The following CDHR2 variants were observed in gnomAD, a reference collection of about 807,000 sequenced individuals.
CDHR2 encodes the protein cadherin-related family member 2.
CDHR2 carries 104 observed loss-of-function variants against 138.6 expected under a neutral mutation model. That is an observed-to-expected ratio of 0.75 (90% CI 0.64 to 0.88). CDHR2 has a LOEUF of 0.88. CDHR2 is among the 40% of genes least tolerant of loss of function. CDHR2 has a pLI of 0.00. For synonymous variants in CDHR2, 755 were observed against 742.8 expected (o/e 1.02, Z -0.27); for missense variants, 1,624 against 1,727.6 (o/e 0.94, Z 1.06).
chr5:176,569,713 C>T (rs1758177937), intron 5 of CDHR2, among the ~76,000 whole-genome samples: 1 of 152,162 alleles, frequency 6.6e-6, no homozygotes. Flanking sequence ...TTATTTCCCA[C>T]TTTGGGAGGC....
intron 6 of CDHR2, among the ~76,000 whole-genome samples, chr5:176,572,755 A>C (rs1202886306): frequency 6.6e-6 from 1 of 152,226 alleles, no homozygotes; most frequent in Non-Finnish European, 1.5e-5. Flanking sequence ...ATGCCAGGCC[A>C]GACACGTGTG....
rs937694105 is a variant in CDHR2 at position 176,589,252 on chromosome 5, C to T, written c.3008+70C>T. The T allele has an allele frequency of 5.0e-6, 8 of 1,599,598 alleles. No individual in the cohort carries two copies. The African/African-American group carries it at 1.1e-4, about 21-fold the overall frequency. On this transcript the variant is annotated intron_variant, in intron 22 of 31. Coordinates refer to ENST00000261944, the MANE Select transcript of CDHR2 (RefSeq NM_017675.6). ...GATAGGAGCTTTCAGGCAGCAAGTC[C>T]CCCATCCTGGAGGTTACAAGGGTCC...
intron 16 of CDHR2, 56 bp downstream of exon 16, chr5:176,578,664 C>T: frequency 6.3e-7 from 1 of 1,593,574 alleles, no homozygotes; most frequent in Non-Finnish European, 8.5e-7. Flanking sequence ...CAAGCCTGCT[C>T]TGTGGGCATG....
At chr5:176,592,431 GTGGTGA>G (rs1448914582) in intron 30 of CDHR2, among the ~76,000 whole-genome samples, 1 of 69,778 alleles carries the variant, frequency 1.4e-5, no homozygotes, top group Non-Finnish European at 4.5e-5. Flanking sequence ...GATGGTGATG[GTGGTGA>G]TGATGGATGA....
upstream of CDHR2, among the ~76,000 whole-genome samples, chr5:176,548,776 C>T (rs564229547): frequency 1.1e-4 from 16 of 152,012 alleles, no homozygotes; most frequent in African/African-American, 3.9e-4. Context: ...AAAAAGGCAA[C>T]TTGGGAGTGG....
At chr5:176,551,746 A>G (rs1757709291) in intron 1 of CDHR2, among the ~76,000 whole-genome samples, 1 of 135,648 alleles carries the variant, frequency 7.4e-6, no homozygotes, top group Non-Finnish European at 1.5e-5. Flanking sequence ...CTGTCACCCA[A>G]GCTGGAGTGC....
chr5:176,550,797 C>G (rs934963469), intron 1 of CDHR2, among the ~76,000 whole-genome samples: 3 of 152,130 alleles, frequency 2.0e-5, no homozygotes, highest in African/African-American at 7.2e-5. Flanking sequence ...CCTGGGCAGT[C>G]CGGGTATCCT....
rs777492193 is a variant in CDHR2 at position 176,578,393 on chromosome 5, T to TCAGGGA, written c.1605_1610dup (p.Gly536_Thr537dup). On this transcript the variant is annotated inframe_insertion, in exon 16 of 32. Transcript: ENST00000261944. ...AGACCTCTTCCAAGTGGATCCCGTC[T>TCAGGGA]CAGGGACGGTGACGGTGAGGAACGG... 6.2e-6 allele frequency: 10 copies of TCAGGGA among 1,613,790 alleles called. No individual in the cohort carries two copies. The highest frequency in any genetic ancestry group is 3.3e-5 in the Admixed American group (2 of 59,968).
At chr5:176,569,106 A>C (rs1186526121) in intron 5 of CDHR2, 96 bp downstream of exon 5, 1 of 1,093,628 alleles carries the variant, frequency 9.1e-7, no homozygotes, top group African/African-American at 1.6e-5. Context: ...CCCAGTTAAC[A>C]GTGAATTTAA....
At chr5:176,577,869 T>A in intron 14 of CDHR2, 71 bp downstream of exon 14, 4 of 1,544,436 alleles carry the variant, frequency 2.6e-6, no homozygotes, top group Admixed American at 1.8e-5. Context: ...TGTGAGAGTG[T>A]GTGTGTGTGT....
In CDHR2 at chr5:176,568,623, G is replaced by T; in HGVS notation, c.125-55G>T. The T allele has an allele frequency of 1.9e-6, 3 of 1,598,292 alleles. No homozygotes were observed. In the Admixed American group the frequency reaches 5.1e-5, roughly 27 times the overall value. On this transcript the variant is annotated intron_variant, in intron 3 of 31. Coordinates refer to ENST00000261944, the MANE Select transcript of CDHR2 (RefSeq NM_017675.6). ...CCCAGCCTCACAGCCAGCTTGGCCA[G>T]ACCAGCACTGAAAGGGTGGCTGTGG...
At chr5:176,571,553 T>A (rs1758231888) in intron 6 of CDHR2, among the ~76,000 whole-genome samples, 1 of 151,822 alleles carries the variant, frequency 6.6e-6, no homozygotes, top group Admixed American at 6.6e-5. Flanking sequence ...ATTTTTTTTG[T>A]GTAGACGGAG....
rs529597483 is a variant in CDHR2, at chr5:176,590,612, T to C, written c.3464T>C (p.Val1155Ala). 1 of 1,614,068 alleles carries C rather than the reference T, an allele frequency of 6.2e-7. No individual in the cohort carries two copies. The highest frequency in any genetic ancestry group is 1.1e-5 in the South Asian group (1 of 91,078). ...ESDLSKQLIS[V>A]IIGLGVALLL... The stretch of plus-strand genomic sequence containing the variant: ...GACCTGTCGAAACAGCTCATCAGTG[T>C]CATCATAGGATTGGGAGTGGCTTTG... Residue 1155 changes from valine to alanine, a missense_variant, in exon 28 of 32, where the codon GTC (valine) becomes GCC (alanine). Transcript: ENST00000261944.
chr5:176,568,362 A>C (rs2113283454), intron 3 of CDHR2, among the ~76,000 whole-genome samples: 1 of 152,366 alleles, frequency 6.6e-6, no homozygotes, highest in South Asian at 2.1e-4. Context: ...GGAAAGGTTC[A>C]CACCAGCCAC....
At chr5:176,586,174 GA>G (rs1758661167) in intron 20 of CDHR2, 149 bp downstream of exon 20, 1 of 627,356 alleles carries the variant, frequency 1.6e-6, no homozygotes, top group African/African-American at 1.8e-5. Flanking sequence ...TGCAATAGGA[GA>G]GGACATTGGA....
At position 176,591,198 on chromosome 5, in the gene CDHR2, G is replaced by A. The variant is rs367916830; in HGVS notation, c.3540-12G>A. 3.1e-5 allele frequency: 50 copies of A among 1,597,152 alleles called. No individual in the cohort carries two copies. Among genetic ancestry groups the A allele is most frequent in the East Asian group, 1.1e-4 (5 of 44,806 alleles). ...GCAGCAACAGTGTGACCCCTCTTCC[G>A]GTTCCCCACAGCTACAACCGGAAGC... is the stretch of plus-strand genomic sequence containing the variant. On this transcript the variant is annotated splice_polypyrimidine_tract_variant and intron_variant, in intron 28 of 31. Coordinates refer to ENST00000261944, the MANE Select transcript of CDHR2 (RefSeq NM_017675.6).
Position 176,581,554 on chromosome 5 carries a change from C to A in CDHR2, c.2030C>A (p.Thr677Asn), listed in dbSNP as rs762100290. The A allele has an allele frequency of 1.2e-6, 2 of 1,613,908 alleles. No homozygotes were observed. Among genetic ancestry groups the A allele is most frequent in the African/African-American group, 2.7e-5 (2 of 74,940 alleles). ...VSDCGEPVLG[T>N]KVNVTITVED... is the part of the protein sequence containing the mutation. ...GACTGCGGCGAGCCTGTCCTCGGCA[C>A]CAAAGTCAATGTCACCATCACTGTG... Residue 677 changes from threonine (T) to asparagine (N), a missense_variant, in exon 17 of 32, where the codon ACC (threonine) becomes AAC (asparagine). Thr to Asn is a moderately conservative substitution (Grantham distance 65). This residue lies in a region of CDHR2 where 1,061 missense variants were observed against 1,136.6 expected (regional missense o/e 0.93). Transcript: ENST00000261944.
chr5:176,592,901 C>A, intron 31 of CDHR2, 121 bp downstream of exon 31: 1 of 843,916 alleles, frequency 1.2e-6, no homozygotes, highest in Non-Finnish European at 2.0e-6. Context: ...TGCACCAGGC[C>A]CCAGGAAGCC....
intron 1 of CDHR2, among the ~76,000 whole-genome samples, chr5:176,552,527 G>A (rs1163120729): frequency 2.0e-5 from 3 of 152,248 alleles, no homozygotes; most frequent in East Asian, 3.8e-4. Context: ...CAGCCAGTGG[G>A]AGCCATGGAG....
Sources: allele counts gnomAD v4.1 joint callset (sites outside exome capture counted in the v4.1 genomes callset), GRCh38; gene constraint gnomAD v4.1.1; regional missense constraint gnomAD v4.1.1; transcripts MANE v1.5; gene names NCBI Gene and HGNC (gene_info 2026-07-23, HGNC 2026-07-21).